The following PDHX variants were observed in gnomAD, a reference collection of about 807,000 sequenced individuals.
The protein encoded by PDHX is pyruvate dehydrogenase complex component X.
A neutral mutation model predicts 55.3 loss-of-function variants in PDHX; 33 were observed. That is an observed-to-expected ratio of 0.60 (90% CI 0.45 to 0.80). The LOEUF (loss-of-function observed/expected upper bound fraction) is 0.80. Ranked by LOEUF, PDHX falls within the 30% of genes least tolerant of loss-of-function variation. The pLI is 0.00. For missense variants in PDHX, 622 were observed against 619.9 expected (o/e 1.00, Z -0.04); for synonymous variants, 226 against 219.4 (o/e 1.03, Z -0.27).
intron 9 of PDHX, among the ~76,000 whole-genome samples, chr11:34,990,844 T>A (rs895823588): frequency 6.6e-6 from 1 of 152,202 alleles, no homozygotes; most frequent in Admixed American, 6.5e-5. Flanking sequence ...CTTTCAATTT[T>A]AAAAAATTAA....
intron 5 of PDHX, among the ~76,000 whole-genome samples, chr11:34,965,856 T>A (rs1350165496): frequency 6.6e-6 from 1 of 152,160 alleles, no homozygotes; most frequent in Admixed American, 6.5e-5. Context: ...TTTTCTTAAA[T>A]TGGAAAAAAT....
chr11:34,985,278 TA>T (rs1855616108), intron 9 of PDHX, among the ~76,000 whole-genome samples: 2 of 152,102 alleles, frequency 1.3e-5, no homozygotes, highest in Non-Finnish European at 1.5e-5. Context: ...CCATCTCTAC[TA>T]AAAATACGAA....
intron 7 of PDHX, among the ~76,000 whole-genome samples, chr11:34,972,218 G>A (rs1855271738): frequency 6.6e-6 from 1 of 150,696 alleles, no homozygotes; most frequent in Non-Finnish European, 1.5e-5. Flanking sequence ...TGATCTCATT[G>A]ATTTCTGTTC....
chr11:34,975,307 A>T (rs962640195), intron 7 of PDHX, among the ~76,000 whole-genome samples: 4 of 151,776 alleles, frequency 2.6e-5, no homozygotes, highest in Non-Finnish European at 4.4e-5. Context: ...ATTGTGAAAA[A>T]TTTCCAGTTA....
chr11:34,950,989 C>G (rs1191465925), intron 3 of PDHX, among the ~76,000 whole-genome samples: 1 of 150,488 alleles, frequency 6.6e-6, no homozygotes, highest in South Asian at 2.1e-4. Context: ...TACAGTCCCA[C>G]CAGCAGTGTA....
intron 9 of PDHX, among the ~76,000 whole-genome samples, chr11:34,986,011 A>G (rs542188116): frequency 6.6e-6 from 1 of 152,220 alleles, no homozygotes; most frequent in Non-Finnish European, 1.5e-5. Flanking sequence ...GCAATTGTTA[A>G]TTGAAAAATG....
chr11:34,977,624 A>G (rs996999624), intron 7 of PDHX, among the ~76,000 whole-genome samples: 8 of 152,056 alleles, frequency 5.3e-5, no homozygotes, highest in South Asian at 2.1e-4. Context: ...ACTTTCCCAT[A>G]TGTGTATATA....
intron 7 of PDHX, among the ~76,000 whole-genome samples, chr11:34,971,955 A>G (rs1373758698): frequency 2.0e-5 from 3 of 151,884 alleles, no homozygotes; most frequent in Non-Finnish European, 2.9e-5. Flanking sequence ...TCTTGAATGA[A>G]TTTTGGTAGT....
chr11:34,963,187 T>G (rs944303421), intron 5 of PDHX, among the ~76,000 whole-genome samples: 5 of 152,212 alleles, frequency 3.3e-5, no homozygotes, highest in African/African-American at 1.2e-4. Context: ...TAGCCTAATG[T>G]CGTCTTCTGC....
At chr11:34,977,979 A>G in intron 7 of PDHX, 145 bp from the exon 8 acceptor site, 1 of 625,652 alleles carries the variant, frequency 1.6e-6, no homozygotes, top group Non-Finnish European at 2.9e-6. Context: ...AATCATGGGA[A>G]CCTTATTGAC....
At chr11:34,952,346 C>T (rs1315085544) in intron 3 of PDHX, among the ~76,000 whole-genome samples, 2 of 151,936 alleles carry the variant, frequency 1.3e-5, no homozygotes, top group Non-Finnish European at 2.9e-5. Context: ...TTTATGAGGC[C>T]AGCATCATCC....
chr11:34,939,285 T>C (rs1854413840), intron 2 of PDHX, among the ~76,000 whole-genome samples: 1 of 152,238 alleles, frequency 6.6e-6, no homozygotes, highest in African/African-American at 2.4e-5. Flanking sequence ...TAAACCTTTA[T>C]GCATTAAGAA....
At chr11:34,968,940 G>A (rs1238323104) in intron 6 of PDHX, among the ~76,000 whole-genome samples, 9 of 152,104 alleles carry the variant, frequency 5.9e-5, no homozygotes, top group African/African-American at 2.2e-4. Flanking sequence ...AAGATGGTTC[G>A]ACTTATAATT....
chr11:34,967,167 C>T (rs904254820), intron 6 of PDHX, among the ~76,000 whole-genome samples: 1 of 151,946 alleles, frequency 6.6e-6, no homozygotes, highest in African/African-American at 2.4e-5. Context: ...TTTTATTTTT[C>T]AGATTCAAGT....
At chr11:34,964,964 G>A (rs2732557) in intron 5 of PDHX, among the ~76,000 whole-genome samples, 110,734 of 151,996 alleles carry the variant, frequency 0.73, 40,415 homozygotes, top group Middle Eastern at 0.78. Context: ...AGATGTATTC[G>A]GGCATTAACG....
In PDHX at chr11:34,978,232, G is replaced by A. The variant is rs182425829; in HGVS notation, c.1023+50G>A. 3,624 of 1,075,094 alleles carry A rather than the reference G, an allele frequency of 3.4e-3. 19 individuals are homozygous for A. The highest frequency in any genetic ancestry group is 3.3e-3 in the Non-Finnish European group (2,287 of 696,880). 66.6% of individuals were successfully genotyped at this position (1,075,094 alleles called of 1,614,324 possible). A position where few individuals can be genotyped will look rare whatever the true frequency, so the allele number is the denominator to read the frequency against. ...TTGTCTTCTTAAGTAGTTTCATGTC[G>A]TGGAATTTTTACAATGACAAATAGA... On this transcript the variant is annotated intron_variant, in intron 8 of 10. Coordinates refer to ENST00000227868, the MANE Select transcript of PDHX (RefSeq NM_003477.3).
At chr11:34,979,256 A>C (rs775582168) in intron 8 of PDHX, among the ~76,000 whole-genome samples, 5 of 152,164 alleles carry the variant, frequency 3.3e-5, no homozygotes, top group Admixed American at 3.3e-4. Context: ...GGTTTTAGAC[A>C]TGTTACATTT....
intron 3 of PDHX, among the ~76,000 whole-genome samples, chr11:34,948,079 A>T (rs2986402): frequency 0.8 from 122,260 of 152,114 alleles, 49,336 homozygotes; most frequent in African/African-American, 0.84. Context: ...ACGTAATGAT[A>T]AGCAAATTCT....
chr11:34,966,274 G>A (rs185887858), intron 5 of PDHX, among the ~76,000 whole-genome samples: 1 of 152,228 alleles, frequency 6.6e-6, no homozygotes, highest in East Asian at 1.9e-4. Flanking sequence ...AATGCCATGT[G>A]AATATTATTT....
Sources: gnomAD v4.1 joint callset for allele counts (sites outside exome capture counted in the v4.1 genomes callset) on GRCh38, gnomAD v4.1.1 for gene constraint, MANE v1.5 for transcripts, NCBI Gene and HGNC (gene_info 2026-07-23, HGNC 2026-07-21) for gene names.